Variants in PCMT1 observed in about 807,000 individuals in gnomAD.
PCMT1 encodes protein-L-isoaspartate(D-aspartate) O-methyltransferase.
Under a neutral mutation model 29.2 loss-of-function variants are expected in PCMT1, and 9 were observed. That is an observed-to-expected ratio of 0.31 (90% CI 0.19 to 0.54). The LOEUF (loss-of-function observed/expected upper bound fraction) is 0.54, where lower values mean the gene tolerates loss of function less well. PCMT1 is among the 20% of genes least tolerant of loss of function. The probability of loss-of-function intolerance (pLI) is 0.95; values close to 1 mark genes in which losing one functional copy is unlikely to be tolerated. For synonymous variants in PCMT1, 98 were observed against 97.5 expected (o/e 1.00, Z -0.03); for missense variants, 184 against 282.2 (o/e 0.65, Z 2.49).
intron 7 of PCMT1, among the ~76,000 whole-genome samples, chr6:149,808,904 G>A (rs1442498687): frequency 7.0e-6 from 1 of 143,394 alleles, no homozygotes; most frequent in Non-Finnish European, 1.5e-5. Flanking sequence ...CCAAAGTGCT[G>A]GGATTACAGG....
intron 1 of PCMT1, among the ~76,000 whole-genome samples, chr6:149,757,558 G>T (rs148703047): frequency 6.6e-6 from 1 of 152,272 alleles, no homozygotes; most frequent in African/African-American, 2.4e-5. Context: ...AAAACCTTTA[G>T]GGAGCAGTGG....
At chr6:149,762,319 A>G (rs954099629) in intron 1 of PCMT1, among the ~76,000 whole-genome samples, 9 of 151,640 alleles carry the variant, frequency 5.9e-5, no homozygotes, top group Non-Finnish European at 7.4e-5. Flanking sequence ...TCATTTAATG[A>G]GGGTCTTTAG....
chr6:149,802,335 G>A lies in PCMT1; in HGVS notation c.640G>A (p.Val214Met). 2 of 1,613,532 alleles carry A rather than the reference G, an allele frequency of 1.2e-6. No individual in the cohort carries two copies. Among genetic ancestry groups the A allele is most frequent in the East Asian group, 2.2e-5 (1 of 44,860 alleles). Residue 214 changes from valine to methionine, a missense_variant, in exon 7 of 8, where the codon GTG becomes ATG. Coordinates refer to ENST00000464889, the MANE Select transcript of PCMT1 (RefSeq NM_001360452.2). The stretch of plus-strand genomic sequence containing the variant: ...GAAGCCTCTGATGGGGGTGATATAC[G>A]TGCCTTTAACAGATAAAGAAAAGCA... ...KMKPLMGVIYVPLTDKEKQWS... is the reference protein window; with the variant it reads ...KMKPLMGVIYMPLTDKEKQWS...
At chr6:149,771,413 C>T (rs762449444) in intron 2 of PCMT1, 147 bp downstream of exon 2, 150 of 500,482 alleles carry the variant, frequency 3.0e-4, no homozygotes, top group Non-Finnish European at 4.5e-4. Flanking sequence ...TAATCCCAAA[C>T]ATACCTATTT....
intron 7 of PCMT1, among the ~76,000 whole-genome samples, chr6:149,807,141 A>G (rs961771164): frequency 6.6e-6 from 1 of 152,106 alleles, no homozygotes; most frequent in African/African-American, 2.4e-5. Context: ...GTCTTTTTAC[A>G]CTTGGAAAGA....
chr6:149,765,580 T>A, intron 1 of PCMT1: 1 of 248,604 alleles, frequency 4.0e-6, no homozygotes, highest in Non-Finnish European at 7.7e-6. Context: ...TTTTGCTAAT[T>A]TTAAAAAATA....
intron 7 of PCMT1, chr6:149,810,247 A>AACT: frequency 5.9e-6 from 1 of 169,756 alleles, no homozygotes. Flanking sequence ...TTGTGAATGT[A>AACT]ACTATCAACT....
At chr6:149,750,132 T>C (rs1403215503) in intron 1 of PCMT1, 176 bp downstream of exon 1, 2 of 863,478 alleles carry the variant, frequency 2.3e-6, no homozygotes, top group Non-Finnish European at 3.4e-6. Context: ...CCTCGGGACC[T>C]GTCACTCGTC....
chr6:149,806,566 A>G (rs1388077948), intron 7 of PCMT1, among the ~76,000 whole-genome samples: 1 of 151,876 alleles, frequency 6.6e-6, no homozygotes, highest in Non-Finnish European at 1.5e-5. Context: ...GTTCTTTCAA[A>G]CTTTCCGTTT....
intron 1 of PCMT1, among the ~76,000 whole-genome samples, chr6:149,755,219 A>T (rs1027293901): frequency 6.6e-6 from 1 of 152,170 alleles, no homozygotes; most frequent in Non-Finnish European, 1.5e-5. Flanking sequence ...CAGCCTAGGC[A>T]ACATAGTGAA....
chr6:149,775,283 A>G (rs1297499694), intron 3 of PCMT1, among the ~76,000 whole-genome samples: 1 of 152,208 alleles, frequency 6.6e-6, no homozygotes, highest in Non-Finnish European at 1.5e-5. Context: ...ACATTTATAA[A>G]AATTGAATAG....
At chr6:149,788,941 G>A (rs9688938) in intron 3 of PCMT1, among the ~76,000 whole-genome samples, 80,768 of 151,856 alleles carry the variant, frequency 0.53, 24,682 homozygotes, top group East Asian at 0.83. Flanking sequence ...TGTTGGGAAC[G>A]GTTTTCCCTA....
intron 1 of PCMT1, among the ~76,000 whole-genome samples, chr6:149,752,052 T>C (rs1008073351): frequency 6.7e-6 from 1 of 149,520 alleles, no homozygotes; most frequent in Non-Finnish European, 1.5e-5. Context: ...TTTTTTTTTT[T>C]GGTAGTTTAT....
intron 3 of PCMT1, among the ~76,000 whole-genome samples, chr6:149,785,363 T>C (rs568679277): frequency 6.7e-6 from 1 of 149,092 alleles, no homozygotes; most frequent in Admixed American, 6.7e-5. Context: ...TTCTTTTTTT[T>C]TTTTTTTTTA....
At chr6:149,758,007 C>G (rs1051782832) in intron 1 of PCMT1, among the ~76,000 whole-genome samples, 1 of 151,680 alleles carries the variant, frequency 6.6e-6, no homozygotes, top group African/African-American at 2.4e-5. Flanking sequence ...CTTAGCCTCC[C>G]GAGTAGCTGG....
chr6:149,780,883 A>G (rs1787786781), intron 3 of PCMT1, among the ~76,000 whole-genome samples: 1 of 152,226 alleles, frequency 6.6e-6, no homozygotes, highest in Non-Finnish European at 1.5e-5. Flanking sequence ...TTACCAGATC[A>G]TATATGAAAA....
chr6:149,765,109 T>C (rs1343356679), intron 1 of PCMT1, among the ~76,000 whole-genome samples: 8 of 139,564 alleles, frequency 5.7e-5, no homozygotes, highest in African/African-American at 1.3e-4. Flanking sequence ...CCTGTAATCC[T>C]AGCACTTTGG....
intron 1 of PCMT1, among the ~76,000 whole-genome samples, chr6:149,762,778 C>A (rs868486796): frequency 2.8e-5 from 1 of 35,382 alleles, no homozygotes; most frequent in Non-Finnish European, 3.8e-5. Context: ...TATATATATA[C>A]CTATGATATA....
intron 3 of PCMT1, among the ~76,000 whole-genome samples, chr6:149,785,984 CCGGGCAGAGGCGCCCCTCACCTCCCGGA>C (rs1562414059): frequency 2.0e-5 from 3 of 150,698 alleles, no homozygotes; most frequent in African/African-American, 7.3e-5. Context: ...GTAGGGGCGG[CCGGGCAGAGGCGCCCCTCACCTCCCGGA>C]CGGGGCGGCT....
Sources: allele counts gnomAD v4.1 joint callset (sites outside exome capture counted in the v4.1 genomes callset), GRCh38; gene constraint gnomAD v4.1.1; transcripts MANE v1.5; gene names NCBI Gene and HGNC (gene_info 2026-07-23, HGNC 2026-07-21).